ZZZ3: variants seen among roughly 807,000 people sequenced by gnomAD.
ZZZ3 encodes ZZ-type zinc finger-containing protein 3.
A neutral mutation model predicts 95.2 loss-of-function variants in ZZZ3; 22 were observed. The observed-to-expected ratio is 0.23, with a 90% CI of 0.17 to 0.33. The LOEUF is 0.33. Ranked by LOEUF, ZZZ3 falls within the 10% of genes least tolerant of loss-of-function variation. The probability of loss-of-function intolerance (pLI) is 1.00; values close to 1 mark genes in which losing one functional copy is unlikely to be tolerated. For synonymous variants in ZZZ3, 335 were observed against 358.9 expected (o/e 0.93, Z 0.75); for missense variants, 885 against 1,066.5 (o/e 0.83, Z 2.37).
chr1:77,651,179 T>G (rs1004531314), intron 1 of ZZZ3, among the ~76,000 whole-genome samples: 1 of 151,740 alleles, frequency 6.6e-6, no homozygotes, highest in African/African-American at 2.4e-5. Flanking sequence ...GGCCCAGGAG[T>G]TCACGACCAG....
chr1:77,635,291 A>AT (rs1668195864), intron 4 of ZZZ3, among the ~76,000 whole-genome samples: 1 of 152,168 alleles, frequency 6.6e-6, no homozygotes, highest in African/African-American at 2.4e-5. Context: ...TTAATTAACA[A>AT]TTTTTTTAAA....
chr1:77,661,325 A>C (rs921490280), intron 1 of ZZZ3, among the ~76,000 whole-genome samples: 1 of 152,172 alleles, frequency 6.6e-6, no homozygotes, highest in Admixed American at 6.5e-5. Context: ...AGGCAGGAGA[A>C]TCGCTTGAGC....
intron 5 of ZZZ3, among the ~76,000 whole-genome samples, chr1:77,625,757 A>AG (rs896770606): frequency 4.6e-5 from 7 of 151,770 alleles, no homozygotes; most frequent in South Asian, 2.1e-4. Flanking sequence ...TGGGAGGCTG[A>AG]GGGGGGCGGA....
At chr1:77,636,039 C>T (rs1668269311) in intron 4 of ZZZ3, among the ~76,000 whole-genome samples, 1 of 151,916 alleles carries the variant, frequency 6.6e-6, no homozygotes, top group South Asian at 2.1e-4. Context: ...TGTAAATGCA[C>T]AAAAAAAGCA....
intron 5 of ZZZ3, among the ~76,000 whole-genome samples, chr1:77,624,609 G>A (rs1557737174): frequency 2.0e-5 from 3 of 152,048 alleles, no homozygotes; most frequent in Admixed American, 6.6e-5. Context: ...AGACCTTGCC[G>A]TACATACATA....
intron 1 of ZZZ3, among the ~76,000 whole-genome samples, chr1:77,654,021 T>C (rs1317007833): frequency 6.6e-6 from 1 of 151,676 alleles, no homozygotes; most frequent in Non-Finnish European, 1.5e-5. Context: ...ACCCCGTCTC[T>C]ACTAAAAATA....
At chr1:77,624,187 T>C (rs1007266454) in intron 5 of ZZZ3, among the ~76,000 whole-genome samples, 2 of 152,184 alleles carry the variant, frequency 1.3e-5, no homozygotes, top group African/African-American at 4.8e-5. Flanking sequence ...TCCTAATAGT[T>C]GGTCTTTGAT....
chr1:77,626,347 T>C (rs866457304), intron 5 of ZZZ3, among the ~76,000 whole-genome samples: 42 of 152,202 alleles, frequency 2.8e-4, no homozygotes, highest in African/African-American at 1.0e-3. Flanking sequence ...ATTATTCCAT[T>C]GTAATATCTA....
intron 1 of ZZZ3, among the ~76,000 whole-genome samples, chr1:77,649,360 A>G (rs1302186188): frequency 6.6e-6 from 1 of 152,150 alleles, no homozygotes; most frequent in African/African-American, 2.4e-5. Context: ...GTACTGAAAA[A>G]AGTTGTCAAC....
At chr1:77,679,467 A>AT (rs558949115) in intron 1 of ZZZ3, among the ~76,000 whole-genome samples, 4 of 151,676 alleles carry the variant, frequency 2.6e-5, no homozygotes, top group African/African-American at 9.7e-5. Flanking sequence ...TACCAGGCTA[A>AT]TTTTTTTTCT....
chr1:77,680,993 T>C (rs1335539261), intron 1 of ZZZ3, among the ~76,000 whole-genome samples: 4 of 152,102 alleles, frequency 2.6e-5, no homozygotes, highest in Non-Finnish European at 5.9e-5. Flanking sequence ...AAAAAATCAG[T>C]ACAAACAAAA....
chr1:77,601,834 C>A (rs1394946692), intron 5 of ZZZ3, among the ~76,000 whole-genome samples: 2 of 152,106 alleles, frequency 1.3e-5, no homozygotes, highest in African/African-American at 4.8e-5. Flanking sequence ...GGTTAACTAA[C>A]CTTGCCTAAG....
chr1:77,570,678 A>T (rs944208201), intron 12 of ZZZ3, among the ~76,000 whole-genome samples: 5 of 147,140 alleles, frequency 3.4e-5, no homozygotes, highest in South Asian at 2.2e-4. Context: ...TATTATTATT[A>T]TTTTTTTGAG....
intron 5 of ZZZ3, among the ~76,000 whole-genome samples, chr1:77,630,490 A>G (rs1294837355): frequency 6.6e-6 from 1 of 152,164 alleles, no homozygotes; most frequent in Admixed American, 6.5e-5. Flanking sequence ...AACGAAAAAC[A>G]AAAACAAACA....
Position 77,575,210 on chromosome 1 carries a change from G to C in ZZZ3, c.2331+858C>G, listed in dbSNP as rs146135240. 1.3e-3 allele frequency among the ~76,000 whole-genome samples: 196 copies of C among 152,154 alleles called. 1 individual carries two copies. The highest frequency in any genetic ancestry group is 4.4e-3 in the African/African-American group (181 of 41,534). ...AAAAGAAAGAAAAAGAAAAAAAAGG[G>C]AGAATTGAGCAATTATCCCACCTTT... On this transcript the variant is annotated intron_variant, in intron 12 of 14. Coordinates refer to ENST00000370801, the MANE Select transcript of ZZZ3 (RefSeq NM_015534.6).
rs188296763 is a variant in ZZZ3 at position 77,584,410 on chromosome 1, A to C, written c.1644+107T>G. On this transcript the variant is annotated intron_variant, in intron 6 of 14. Transcript: ENST00000370801. ...AGTACGGCTAATTATAGACGAAAAA[A>C]ATTAAACATTTTAAAAAGTATATAC... The C allele has an allele frequency of 1.7e-5, 20 of 1,175,146 alleles. No homozygotes were observed. In the East Asian group the frequency reaches 5.1e-4, roughly 30 times the overall value. 72.8% of individuals were successfully genotyped at this position (1,175,146 alleles called of 1,614,324 possible).
At position 77,576,208 on chromosome 1, in the gene ZZZ3, T is replaced by C. The variant is rs1661922420; in HGVS notation, c.2191A>G (p.Arg731Gly). 2 of 1,595,224 alleles carry C rather than the reference T, an allele frequency of 1.3e-6. No individual in the cohort carries two copies. The highest frequency in any genetic ancestry group is 2.3e-5 in the South Asian group (2 of 86,836). Residue 731 changes from arginine to glycine, a missense_variant, in exon 12 of 15, where the codon AGA (arginine) becomes GGA (glycine). This residue lies in a region of ZZZ3 where 221 missense variants were observed against 247.8 expected (regional missense o/e 0.89). Transcript: ENST00000370801. ...TGCTTATTAAGAGGGTGCTGTCGTC[T>C]GCTTGTTGAAGACTAAGTAAGAAAA... ...YIYSKKSSTS[R>G]RQHPLNKHLF...
At chr1:77,588,062 C>A (rs1663283555) in intron 5 of ZZZ3, among the ~76,000 whole-genome samples, 1 of 152,170 alleles carries the variant, frequency 6.6e-6, no homozygotes, top group Non-Finnish European at 1.5e-5. Context: ...TCTGGGTCAA[C>A]AGTAGGCTAT....
intron 1 of ZZZ3, among the ~76,000 whole-genome samples, chr1:77,674,120 C>CA (rs1395179691): frequency 5.3e-5 from 8 of 150,964 alleles, no homozygotes; most frequent in African/African-American, 1.7e-4. Context: ...CATTAAAACA[C>CA]AAAAAAAGGT....
Sources: allele counts gnomAD v4.1 joint callset (sites outside exome capture counted in the v4.1 genomes callset), GRCh38; gene constraint gnomAD v4.1.1; regional missense constraint gnomAD v4.1.1; transcripts MANE v1.5; gene names NCBI Gene and HGNC (gene_info 2026-07-23, HGNC 2026-07-21).